The following SERINC5 variants were observed in gnomAD, a reference collection of about 807,000 sequenced individuals.
The protein encoded by SERINC5 is serine incorporator 5, also known as chromosome 5 open reading frame 12.
A neutral mutation model predicts 63.1 loss-of-function variants in SERINC5; 41 were observed. That is an observed-to-expected ratio of 0.65 (90% CI 0.51 to 0.84). The LOEUF (loss-of-function observed/expected upper bound fraction) is 0.84. SERINC5 is among the 40% of genes least tolerant of loss of function. SERINC5 has a pLI of 0.00. For missense variants in SERINC5, 523 were observed against 573.0 expected (o/e 0.91, Z 0.89); for synonymous variants, 222 against 215.2 (o/e 1.03, Z -0.28).
chr5:80,149,585 C>G (rs554519419), intron 9 of SERINC5, among the ~76,000 whole-genome samples: 1 of 152,226 alleles, frequency 6.6e-6, no homozygotes, highest in Non-Finnish European at 1.5e-5. Flanking sequence ...GGTTCAGCAG[C>G]TCAGCTCCTG....
At chr5:80,195,286 CAAA>C (rs35770657) in intron 2 of SERINC5, among the ~76,000 whole-genome samples, 4 of 98,742 alleles carry the variant, frequency 4.1e-5, no homozygotes, top group Non-Finnish European at 6.8e-5. Context: ...AACTCTGTCG[CAAA>C]AAAAAAAAAA....
At chr5:80,186,995 A>T (rs1487055369) in intron 2 of SERINC5, among the ~76,000 whole-genome samples, 2 of 151,968 alleles carry the variant, frequency 1.3e-5, no homozygotes, top group African/African-American at 4.8e-5. Flanking sequence ...ATCTCTACCA[A>T]AAATACCTAA....
At chr5:80,191,484 A>G (rs1351530261) in intron 2 of SERINC5, among the ~76,000 whole-genome samples, 2 of 116,646 alleles carry the variant, frequency 1.7e-5, no homozygotes, top group African/African-American at 3.0e-5. Flanking sequence ...CTCTACAAAA[A>G]AAAAAAAAAA....
chr5:80,151,550 G>C (rs1314383382), intron 8 of SERINC5, among the ~76,000 whole-genome samples: 1 of 150,594 alleles, frequency 6.6e-6, no homozygotes, highest in Admixed American at 6.5e-5. Flanking sequence ...GCCAGAAGTG[G>C]TGGCTCATGC....
intron 1 of SERINC5, among the ~76,000 whole-genome samples, chr5:80,205,520 A>C (rs1329997692): frequency 6.6e-6 from 1 of 152,186 alleles, no homozygotes; most frequent in Non-Finnish European, 1.5e-5. Context: ...TGCCTTTTAC[A>C]CTGCATTTCT....
intron 1 of SERINC5, among the ~76,000 whole-genome samples, chr5:80,252,248 C>G (rs144169863): frequency 2.0e-4 from 31 of 151,960 alleles, no homozygotes; most frequent in African/African-American, 7.2e-4. Flanking sequence ...TTAGTAGAGA[C>G]AGGGTTTCAC....
At chr5:80,196,682 C>A (rs1005752474) in intron 2 of SERINC5, among the ~76,000 whole-genome samples, 5 of 152,168 alleles carry the variant, frequency 3.3e-5, no homozygotes, top group Non-Finnish European at 5.9e-5. Flanking sequence ...GGTATATTTA[C>A]AGTCGCAACA....
chr5:80,123,614 G>A (rs1418854673), intron 11 of SERINC5, among the ~76,000 whole-genome samples: 1 of 152,196 alleles, frequency 6.6e-6, no homozygotes. Context: ...GAACAGAGAT[G>A]ATCCAGCTCC....
chr5:80,239,108 C>G (rs1482375707), intron 1 of SERINC5, among the ~76,000 whole-genome samples: 1 of 152,228 alleles, frequency 6.6e-6, no homozygotes, highest in Non-Finnish European at 1.5e-5. Flanking sequence ...GGATATGCCA[C>G]TGCCTTAAGG....
In SERINC5 at chr5:80,141,408, G is replaced by A. The variant is rs1156406269; in HGVS notation, c.*2255C>T. 39 of 985,276 alleles carry A rather than the reference G, an allele frequency of 4.0e-5. No individual in the cohort carries two copies. The highest frequency in any genetic ancestry group is 4.5e-5 in the Non-Finnish European group (37 of 829,938). The allele number at this position is 985,276 out of a possible 1,614,324, so 61.0% of individuals were successfully genotyped here. A position where few individuals can be genotyped will look rare whatever the true frequency, so the allele number is the denominator to read the frequency against. On this transcript the variant is annotated 3_prime_UTR_variant, in exon 12 of 12. Transcript: ENST00000507668. Reference sequence around the variant, plus strand: ...TTCTGCAGAGGAAAGGGCCAATCACGGCCAGCCAAGGAATACAAGGCCTTG... The same window carrying A: ...TTCTGCAGAGGAAAGGGCCAATCACAGCCAGCCAAGGAATACAAGGCCTTG...
intron 2 of SERINC5, among the ~76,000 whole-genome samples, chr5:80,187,564 C>G (rs140212553): frequency 4.0e-5 from 6 of 151,854 alleles, no homozygotes; most frequent in African/African-American, 1.5e-4. Flanking sequence ...AACCAAAGCT[C>G]ATTTCTCAGT....
chr5:80,235,337 T>C (rs777549410), intron 1 of SERINC5, among the ~76,000 whole-genome samples: 1 of 152,270 alleles, frequency 6.6e-6, no homozygotes, highest in South Asian at 2.1e-4. Context: ...CATATTTCAT[T>C]GTATGAAAGG....
chr5:80,141,649 CTGTG>C lies in SERINC5; in HGVS notation c.*2010_*2013del. ...GCCCTAGGCCACTGCAACACAGCTA[CTGTG>C]TGTGACACGCAGCCCCACTCCCTGA... On this transcript the variant is annotated 3_prime_UTR_variant, in exon 12 of 12. Coordinates refer to ENST00000507668, the MANE Select transcript of SERINC5 (RefSeq NM_001174072.3). The C allele has an allele frequency of 1.0e-6, 1 of 985,588 alleles. No individual in the cohort carries two copies. The allele number at this position is 985,588 out of a possible 1,614,324, so 61.1% of individuals were successfully genotyped here.
chr5:80,202,202 C>T (rs1204739359), intron 2 of SERINC5, among the ~76,000 whole-genome samples: 3 of 151,998 alleles, frequency 2.0e-5, no homozygotes, highest in African/African-American at 7.3e-5. Context: ...CATGCCATTG[C>T]ACTCTAGCCT....
At chr5:80,117,094 G>A (rs992989280) in intron 11 of SERINC5, among the ~76,000 whole-genome samples, 1 of 152,064 alleles carries the variant, frequency 6.6e-6, no homozygotes. Context: ...GCCTCCCAAA[G>A]TGCTGGGATT....
At chr5:80,115,620 G>A (rs10474010) in intron 11 of SERINC5, among the ~76,000 whole-genome samples, 25,806 of 151,868 alleles carry the variant, frequency 0.17, 2,526 homozygotes, top group Admixed American at 0.21. Context: ...CCATAATTTT[G>A]TTGAAGGAAG....
intron 2 of SERINC5, among the ~76,000 whole-genome samples, chr5:80,194,665 G>A (rs189314275): frequency 1.3e-5 from 2 of 152,304 alleles, no homozygotes; most frequent in East Asian, 1.9e-4. Flanking sequence ...ACTAAGCTAA[G>A]ATCGCTGCTG....
At chr5:80,226,043 G>GAAAA (rs57623969) in intron 1 of SERINC5, among the ~76,000 whole-genome samples, 1 of 145,702 alleles carries the variant, frequency 6.9e-6, no homozygotes, top group African/African-American at 2.5e-5. Flanking sequence ...CTCCCCAAAG[G>GAAAA]AAAAAAAAAA....
chr5:80,230,458 A>G (rs1355122022), intron 1 of SERINC5, among the ~76,000 whole-genome samples: 1 of 149,298 alleles, frequency 6.7e-6, no homozygotes, highest in African/African-American at 2.5e-5. Flanking sequence ...AAAAAAAAAA[A>G]AAAAGAAACC....
Sources: gnomAD v4.1 joint callset for allele counts (sites outside exome capture counted in the v4.1 genomes callset) on GRCh38, gnomAD v4.1.1 for gene constraint, MANE v1.5 for transcripts, NCBI Gene and HGNC (gene_info 2026-07-23, HGNC 2026-07-21) for gene names.